The following CHST8 variants were observed in gnomAD, a reference collection of about 807,000 sequenced individuals.
The protein encoded by CHST8 is carbohydrate sulfotransferase 8, also known as GALNAC-4-ST1.
Under a neutral mutation model 15.0 loss-of-function variants are expected in CHST8, and 10 were observed. The observed-to-expected ratio is 0.67, with a 90% CI of 0.41 to 1.13. The LOEUF (loss-of-function observed/expected upper bound fraction) is 1.13, where lower values mean the gene tolerates loss of function less well. Ranked by LOEUF, CHST8 falls within the 50% of genes most tolerant of loss-of-function variation. CHST8 has a pLI of 0.00. For missense variants in CHST8, 634 were observed against 608.2 expected, an observed-to-expected ratio of 1.04 and a Z score of -0.45; for synonymous variants, 259 against 256.6, an observed-to-expected ratio of 1.01 and a Z score of -0.09.
intron 3 of CHST8, among the ~76,000 whole-genome samples, chr19:33,759,392 C>T (rs916322793): frequency 3.9e-5 from 6 of 152,218 alleles, no homozygotes; most frequent in African/African-American, 7.2e-5. Flanking sequence ...CGTTGACATC[C>T]GTCCCATTTA....
At chr19:33,693,865 G>A (rs1229599356) in intron 3 of CHST8, among the ~76,000 whole-genome samples, 2 of 151,628 alleles carry the variant, frequency 1.3e-5, no homozygotes, top group African/African-American at 4.9e-5. Context: ...AGCCGCCAGA[G>A]ATCGTGCCTA....
At chr19:33,642,220 A>G (rs1055630340) in intron 1 of CHST8, among the ~76,000 whole-genome samples, 1 of 152,110 alleles carries the variant, frequency 6.6e-6, no homozygotes, top group Non-Finnish European at 1.5e-5. Flanking sequence ...TGGGTGGGCG[A>G]CTGGCTGGGC....
intron 1 of CHST8, among the ~76,000 whole-genome samples, chr19:33,654,378 C>A (rs888337552): frequency 1.3e-5 from 2 of 151,960 alleles, no homozygotes; most frequent in South Asian, 2.1e-4. Flanking sequence ...TTCCTCATGG[C>A]GAATCATTTC....
chr19:33,634,965 G>T (rs986484630), intron 1 of CHST8, among the ~76,000 whole-genome samples: 1 of 152,092 alleles, frequency 6.6e-6, no homozygotes, highest in Non-Finnish European at 1.5e-5. Flanking sequence ...AGCTGCAGCC[G>T]TGCCCCCAGC....
At chr19:33,697,170 A>G (rs1316391804) in intron 3 of CHST8, among the ~76,000 whole-genome samples, 2 of 151,764 alleles carry the variant, frequency 1.3e-5, no homozygotes, top group Non-Finnish European at 2.9e-5. Context: ...ATGTCTATTC[A>G]TGTCCTGTGC....
chr19:33,706,868 G>A (rs918484135), intron 3 of CHST8, among the ~76,000 whole-genome samples: 5 of 152,228 alleles, frequency 3.3e-5, no homozygotes, highest in Admixed American at 3.3e-4. Flanking sequence ...CTTCACTGGG[G>A]AGTGAAAAGG....
chr19:33,640,619 T>G (rs1201685107), intron 1 of CHST8, among the ~76,000 whole-genome samples: 5 of 127,034 alleles, frequency 3.9e-5, no homozygotes, highest in Non-Finnish European at 6.7e-5. Context: ...AATTAGACTC[T>G]TAACTTTTTT....
Position 33,646,461 on chromosome 19 carries a change from G to A in CHST8, c.-163-21306G>A, listed in dbSNP as rs1254701847. On this transcript the variant is annotated intron_variant, in intron 1 of 4. Transcript: ENST00000650847. ...CTGAAAGATACCTCAAACACTAGTCGTAGGTTTTACAATAGTGATGTTATC... is the reference window on the plus strand; with the variant it reads ...CTGAAAGATACCTCAAACACTAGTCATAGGTTTTACAATAGTGATGTTATC... 3.3e-5 allele frequency among the ~76,000 whole-genome samples: 5 copies of A among 152,340 alleles called. 1 individual carries two copies. The highest frequency in any genetic ancestry group is 6.8e-3 in the Middle Eastern group (2 of 294).
intron 3 of CHST8, among the ~76,000 whole-genome samples, chr19:33,758,768 C>T (rs1974657235): frequency 6.6e-6 from 1 of 152,242 alleles, no homozygotes; most frequent in South Asian, 2.1e-4. Flanking sequence ...GTAGGGAGCA[C>T]TTTTCCTGTA....
chr19:33,748,294 G>A (rs1974351311), intron 3 of CHST8, among the ~76,000 whole-genome samples: 4 of 152,274 alleles, frequency 2.6e-5, no homozygotes. Flanking sequence ...GGGCAGAAGT[G>A]CAGGACCTAA....
chr19:33,721,442 A>G (rs150087017), intron 3 of CHST8, among the ~76,000 whole-genome samples: 2 of 152,274 alleles, frequency 1.3e-5, no homozygotes, highest in East Asian at 3.9e-4. Flanking sequence ...GGTTCTTAAC[A>G]CATGTCTGTT....
At chr19:33,677,578 G>A (rs895707234) in intron 2 of CHST8, among the ~76,000 whole-genome samples, 2 of 152,226 alleles carry the variant, frequency 1.3e-5, no homozygotes, top group African/African-American at 4.8e-5. Context: ...CCCCAGGGCA[G>A]CATCCCACCA....
intron 3 of CHST8, among the ~76,000 whole-genome samples, chr19:33,704,576 G>T (rs1036609358): frequency 4.6e-5 from 7 of 152,204 alleles, no homozygotes; most frequent in African/African-American, 1.4e-4. Context: ...GTCCAGGGTG[G>T]CCAGGTCATC....
At chr19:33,640,505 C>G (rs1272967473) in intron 1 of CHST8, among the ~76,000 whole-genome samples, 1 of 152,166 alleles carries the variant, frequency 6.6e-6, no homozygotes, top group Non-Finnish European at 1.5e-5. Flanking sequence ...GCCTTGAGAG[C>G]CCATGGATGT....
chr19:33,733,129 G>A (rs1423388990), intron 3 of CHST8, among the ~76,000 whole-genome samples: 1 of 152,074 alleles, frequency 6.6e-6, no homozygotes, highest in Non-Finnish European at 1.5e-5. Context: ...GAGCCCACCA[G>A]GACCCATCTC....
At chr19:33,655,018 T>G (rs768024246) in intron 1 of CHST8, among the ~76,000 whole-genome samples, 2 of 152,174 alleles carry the variant, frequency 1.3e-5, no homozygotes, top group Non-Finnish European at 2.9e-5. Flanking sequence ...CAGTGCTTCT[T>G]GAGGCTGAGG....
intron 3 of CHST8, among the ~76,000 whole-genome samples, chr19:33,707,469 C>T (rs1388386954): frequency 2.0e-5 from 3 of 152,156 alleles, no homozygotes; most frequent in Non-Finnish European, 2.9e-5. Flanking sequence ...ATCACTATAG[C>T]GCTACCCTTT....
At chr19:33,704,272 G>A (rs1973400431) in intron 3 of CHST8, among the ~76,000 whole-genome samples, 1 of 152,226 alleles carries the variant, frequency 6.6e-6, no homozygotes, top group African/African-American at 2.4e-5. Context: ...GTCCTGGATG[G>A]AGTCCCAAGA....
intron 3 of CHST8, among the ~76,000 whole-genome samples, chr19:33,705,162 G>A (rs1045854301): frequency 6.6e-6 from 1 of 152,106 alleles, no homozygotes; most frequent in Admixed American, 6.5e-5. Flanking sequence ...GGAGGACACA[G>A]AGGAGGTGGG....
Sources: gnomAD v4.1 joint callset for allele counts (sites outside exome capture counted in the v4.1 genomes callset) on GRCh38, gnomAD v4.1.1 for gene constraint, MANE v1.5 for transcripts, NCBI Gene and HGNC (gene_info 2026-07-23, HGNC 2026-07-21) for gene names.